KCNIP4: variants seen among roughly 807,000 people sequenced by gnomAD.
KCNIP4 encodes the protein Kv channel-interacting protein 4.
In KCNIP4, 12 loss-of-function variants were observed where a neutral mutation model predicts 34.0. The ratio of observed to expected loss-of-function variants is 0.35; its 90% CI spans 0.23 to 0.57. KCNIP4 has a LOEUF of 0.57. KCNIP4 is among the 20% of genes least tolerant of loss of function. KCNIP4 has a pLI of 0.83. For synonymous variants in KCNIP4, 124 were observed against 102.2 expected, an observed-to-expected ratio of 1.21 and a Z score of -1.29; for missense variants, 238 against 311.7, an observed-to-expected ratio of 0.76 and a Z score of 1.78.
chr4:21,554,739 G>A (rs938601587), intron 1 of KCNIP4, among the ~76,000 whole-genome samples: 7 of 151,986 alleles, frequency 4.6e-5, no homozygotes, highest in Non-Finnish European at 8.8e-5. Flanking sequence ...GCTCCAAGGC[G>A]CTTATTGCCC....
In KCNIP4 at chr4:20,729,817, A is replaced by G. The variant is rs1418313977; in HGVS notation, c.*265T>C. On this transcript the variant is annotated 3_prime_UTR_variant, in exon 9 of 9. Transcript: ENST00000382152. Reference sequence around the variant, plus strand: ...ATGGCTAAGGAACCAATAAAACTATATGCCAGATTCTATTACTTTTGAATA... The same window carrying G: ...ATGGCTAAGGAACCAATAAAACTATGTGCCAGATTCTATTACTTTTGAATA... The G allele has an allele frequency of 2.9e-6, 1 of 345,722 alleles. No individual in the cohort carries two copies. The highest frequency in any genetic ancestry group is 5.2e-6 in the Non-Finnish European group (1 of 192,138). 21.4% of individuals were successfully genotyped at this position (345,722 alleles called of 1,614,324 possible).
intron 1 of KCNIP4, among the ~76,000 whole-genome samples, chr4:21,503,030 G>A (rs1410719132): frequency 6.6e-6 from 1 of 152,016 alleles, no homozygotes; most frequent in Non-Finnish European, 1.5e-5. Context: ...ATGATCTTAG[G>A]AACTGAGATT....
intron 1 of KCNIP4, among the ~76,000 whole-genome samples, chr4:21,372,353 A>AATAGATCG (rs1553871879): frequency 7.2e-6 from 1 of 138,974 alleles, no homozygotes; most frequent in Non-Finnish European, 1.5e-5. Flanking sequence ...CAGTTTGGTG[A>AATAGATCG]ATAGATAGAT....
intron 1 of KCNIP4, among the ~76,000 whole-genome samples, chr4:21,755,153 A>C (rs2109152286): frequency 6.6e-6 from 1 of 152,326 alleles, no homozygotes; most frequent in Middle Eastern, 3.4e-3. Context: ...AGAAATAGAA[A>C]GAAAGAACAT....
chr4:21,456,292 C>A (rs575317144), intron 1 of KCNIP4, among the ~76,000 whole-genome samples: 1 of 147,588 alleles, frequency 6.8e-6, no homozygotes, highest in Non-Finnish European at 1.5e-5. Flanking sequence ...CAAATTGCAT[C>A]TTTGAAGTCG....
intron 3 of KCNIP4, among the ~76,000 whole-genome samples, chr4:20,815,855 T>TTA (rs1274288248): frequency 1.3e-5 from 2 of 152,194 alleles, no homozygotes; most frequent in African/African-American, 4.8e-5. Context: ...TGTGAGACTT[T>TTA]TAAGAGGTCA....
At chr4:21,838,072 A>G (rs1444959990) in intron 1 of KCNIP4, among the ~76,000 whole-genome samples, 1 of 152,224 alleles carries the variant, frequency 6.6e-6, no homozygotes, top group African/African-American at 2.4e-5. Context: ...TTAAGGACAA[A>G]GAAGTAATTT....
At chr4:20,960,445 T>G (rs2149658501) in intron 1 of KCNIP4, among the ~76,000 whole-genome samples, 1 of 152,352 alleles carries the variant, frequency 6.6e-6, no homozygotes, top group South Asian at 2.1e-4. Flanking sequence ...CGCCATTAGC[T>G]GCCTCTTCTC....
chr4:21,820,281 G>A (rs1722256129), intron 1 of KCNIP4, among the ~76,000 whole-genome samples: 1 of 17,912 alleles, frequency 5.6e-5, no homozygotes, highest in African/African-American at 1.7e-4. Context: ...GTATGTGTGT[G>A]TGTGTATATA....
intron 1 of KCNIP4, among the ~76,000 whole-genome samples, chr4:21,112,632 G>A (rs1207199681): frequency 6.6e-6 from 1 of 152,214 alleles, no homozygotes; most frequent in Non-Finnish European, 1.5e-5. Context: ...TGGTTCCTGG[G>A]TCACTTATAT....
At chr4:21,592,746 G>A (rs1742314790) in intron 1 of KCNIP4, among the ~76,000 whole-genome samples, 2 of 152,086 alleles carry the variant, frequency 1.3e-5, no homozygotes, top group Admixed American at 6.6e-5. Flanking sequence ...AGGCCTAATT[G>A]ATAATTTTTA....
At chr4:21,479,996 G>T (rs1440118859) in intron 1 of KCNIP4, among the ~76,000 whole-genome samples, 2 of 151,006 alleles carry the variant, frequency 1.3e-5, no homozygotes, top group Admixed American at 6.6e-5. Flanking sequence ...ACACAAAAGA[G>T]ATTTTATTAT....
intron 1 of KCNIP4, among the ~76,000 whole-genome samples, chr4:21,026,598 G>A (rs908403226): frequency 1.3e-5 from 2 of 152,180 alleles, no homozygotes; most frequent in Non-Finnish European, 2.9e-5. Flanking sequence ...AGGTTGCAAT[G>A]AGCTGAGATC....
intron 2 of KCNIP4, among the ~76,000 whole-genome samples, chr4:20,867,312 G>A (rs991164120): frequency 1.3e-5 from 2 of 152,060 alleles, no homozygotes; most frequent in African/African-American, 2.4e-5. Flanking sequence ...GCTTGGTACT[G>A]CTATACACAC....
intron 1 of KCNIP4, among the ~76,000 whole-genome samples, chr4:21,174,426 T>C (rs1233581197): frequency 6.6e-6 from 1 of 152,166 alleles, no homozygotes; most frequent in Non-Finnish European, 1.5e-5. Flanking sequence ...TGAGAATAAT[T>C]ATAAATTTGT....
intron 1 of KCNIP4, among the ~76,000 whole-genome samples, chr4:21,899,299 C>A (rs1023888019): frequency 1.3e-4 from 19 of 151,950 alleles, no homozygotes; most frequent in African/African-American, 4.4e-4. Context: ...CACATAAAAG[C>A]CAAATAAAGA....
intron 1 of KCNIP4, among the ~76,000 whole-genome samples, chr4:21,298,728 TA>T (rs1763987846): frequency 6.6e-6 from 1 of 152,202 alleles, no homozygotes; most frequent in Admixed American, 6.5e-5. Context: ...GTTTAATTTA[TA>T]ACATGGTGCC....
At chr4:21,206,130 C>A (rs1756835870) in intron 1 of KCNIP4, among the ~76,000 whole-genome samples, 1 of 152,120 alleles carries the variant, frequency 6.6e-6, no homozygotes, top group South Asian at 2.1e-4. Context: ...TGCTTCCTGT[C>A]GCGTCTAGAT....
chr4:21,439,181 G>A (rs966231853), intron 1 of KCNIP4, among the ~76,000 whole-genome samples: 1 of 135,046 alleles, frequency 7.4e-6, no homozygotes, highest in African/African-American at 2.7e-5. Context: ...AAAAAAAAAA[G>A]TAGAGAAAGA....
Sources: gnomAD v4.1 joint callset for allele counts (sites outside exome capture counted in the v4.1 genomes callset) on GRCh38, gnomAD v4.1.1 for gene constraint, MANE v1.5 for transcripts, NCBI Gene and HGNC (gene_info 2026-07-23, HGNC 2026-07-21) for gene names.